Variants in CENPB observed in about 807,000 individuals in gnomAD.
CENPB encodes major centromere autoantigen B.
Under a neutral mutation model 41.9 loss-of-function variants are expected in CENPB, and 19 were observed. The ratio of observed to expected loss-of-function variants is 0.45; its 90% CI spans 0.32 to 0.67. The LOEUF (loss-of-function observed/expected upper bound fraction) is 0.67, where lower values mean the gene tolerates loss of function less well. Among genes scored for constraint, CENPB ranks in the 30% least tolerant of loss-of-function variants. CENPB has a pLI of 0.04. For synonymous variants in CENPB, 399 were observed against 354.4 expected, an observed-to-expected ratio of 1.13 and a Z score of -1.41; for missense variants, 614 against 816.2, an observed-to-expected ratio of 0.75 and a Z score of 3.02.
chr20:3,785,525 C>A lies in CENPB; in HGVS notation c.959G>T (p.Gly320Val). Residue 320 changes from glycine (G) to valine (V), a missense_variant, in exon 1 of 1, where the codon GGC (glycine) becomes GTC (valine). Physicochemically the swap from Gly to Val is moderately radical, Grantham distance 109 (BLOSUM62 -3). Coordinates refer to ENST00000379751, the MANE Select transcript of CENPB (RefSeq NM_001810.6). ...TCCCCTCTCCAGCGGATGCACGGTG[C>A]CGGGAGGGAAGAAGGCCAGCTGCAC... Reference protein sequence around the residue: ...RHVQLAFFPPGTVHPLERGVV... With the variant: ...RHVQLAFFPPVTVHPLERGVV... 1 of 1,597,714 alleles carries A rather than the reference C, an allele frequency of 6.3e-7. No individual in the cohort carries two copies. Among genetic ancestry groups the A allele is most frequent in the Non-Finnish European group, 8.5e-7 (1 of 1,172,542 alleles).
Position 3,785,985 on chromosome 20 carries a change from C to A in CENPB, c.499G>T (p.Gly167Trp), listed in dbSNP as rs750641264. ...PAAVPSEGSGGSTTGWRAREE... is the reference protein window; with the variant it reads ...PAAVPSEGSGWSTTGWRAREE... ...CGAGCGCGCCAACCAGTAGTGCTCCCGCCACTGCCCTCCGAGGGCACCGCG... is the reference window on the plus strand; with the variant it reads ...CGAGCGCGCCAACCAGTAGTGCTCCAGCCACTGCCCTCCGAGGGCACCGCG... Residue 167 changes from glycine (G) to tryptophan (W), a missense_variant, in exon 1 of 1, where the codon GGG becomes TGG. Transcript: ENST00000379751. The A allele has an allele frequency of 1.3e-6, 2 of 1,517,230 alleles. No homozygotes were observed. The highest frequency in any genetic ancestry group is 2.6e-5 in the East Asian group (1 of 39,078). 94.0% of individuals were successfully genotyped at this position (1,517,230 alleles called of 1,614,324 possible).
Position 3,786,530 on chromosome 20 carries a change from C to T in CENPB, c.-47G>A, listed in dbSNP as rs2088827096. On this transcript the variant is annotated 5_prime_UTR_variant, in exon 1 of 1. Transcript: ENST00000379751. ...GGGCCCGGCGCCGCCGCCGCCGCCC[C>T]GGGGCGGGGGGCCCGGGCCCGTGGC... 2 of 654,806 alleles carry T rather than the reference C, an allele frequency of 3.1e-6. No individual in the cohort carries two copies. Among genetic ancestry groups the T allele is most frequent in the African/African-American group, 2.0e-5 (1 of 48,866 alleles). The allele number at this position is 654,806 out of a possible 1,614,324, so 40.6% of individuals were successfully genotyped here.
In CENPB at chr20:3,785,233, CTCCTCCTCTTCT is replaced by C. The variant is rs1211480464; in HGVS notation, c.1239_1250del (p.Glu416_Glu419del). 3.9e-6 allele frequency: 6 copies of C among 1,548,268 alleles called. No individual in the cohort carries two copies. Among genetic ancestry groups the C allele is most frequent in the Admixed American group, 1.9e-5 (1 of 52,590 alleles). ...CCTCTTCCTCTCCTTCACCCTCTTC[CTCCTCCTCTTCT>C]TCCTCCTCCTCCTCCTCTTCCTCTC... On this transcript the variant is annotated inframe_deletion, in exon 1 of 1. Coordinates refer to ENST00000379751, the MANE Select transcript of CENPB (RefSeq NM_001810.6).
rs754367212 is a variant in CENPB at position 3,785,227 on chromosome 20, C to CTCTTCCTCCTCCTCT, written c.1242_1256dup (p.Glu415_Glu419dup). On this transcript the variant is annotated inframe_insertion, in exon 1 of 1. Coordinates refer to ENST00000379751, the MANE Select transcript of CENPB (RefSeq NM_001810.6). ...CCTCCTCCTCTTCCTCTCCTTCACC[C>CTCTTCCTCCTCCTCT]TCTTCCTCCTCCTCTTCTTCCTCCT... The CTCTTCCTCCTCCTCT allele has an allele frequency of 6.5e-6, 10 of 1,549,206 alleles. No homozygotes were observed. The Admixed American group carries it at 1.3e-4, about 21-fold the overall frequency.
Position 3,786,453 on chromosome 20 carries a change from G to A in CENPB, c.31C>T (p.Arg11Trp), listed in dbSNP as rs1265462304. The A allele has an allele frequency of 6.4e-7, 1 of 1,567,098 alleles. No individual in the cohort carries two copies. The highest frequency in any genetic ancestry group is 8.6e-7 in the Non-Finnish European group (1 of 1,162,678). MGPKRRQLTF[R>W]EKSRIIQEVE... Reference sequence around the variant, plus strand: ...TCCTGGATGATCCGTGACTTCTCCCGGAACGTCAGCTGTCGCCTCTTGGGG... The same window carrying A: ...TCCTGGATGATCCGTGACTTCTCCCAGAACGTCAGCTGTCGCCTCTTGGGG... Residue 11 changes from arginine (R) to tryptophan (W), a missense_variant, in exon 1 of 1, where the codon CGG (arginine) becomes TGG (tryptophan). Physicochemically the swap from Arg to Trp is moderately radical, Grantham distance 101. Transcript: ENST00000379751.
rs761278061 is a variant in CENPB at position 3,784,762 on chromosome 20, C to T, written c.1722G>A (p.Leu574=). 33 of 1,613,976 alleles carry T rather than the reference C, an allele frequency of 2.0e-5. No individual in the cohort carries two copies. In the South Asian group the frequency reaches 3.6e-4, roughly 18 times the overall value. The change falls in exon 1 of 1, where the codon TTG becomes TTA. Residue 574 remains leucine (L), a synonymous_variant. Coordinates refer to ENST00000379751, the MANE Select transcript of CENPB (RefSeq NM_001810.6). This position sits in a 1 kb window ranked among gnomAD's most constrained non-coding sequence, Gnocchi z 5.2. ...DDRVQSHILH[L]EHDLVHVTRK... ...TGGTCACATGAACCAGATCGTGTTC[C>T]AAGTGGAGGATGTGGCTCTGCACGC...
rs776967463 is a variant in CENPB, at chr20:3,786,360, G to A, written c.124C>T (p.Leu42=). 43 of 1,605,588 alleles carry A rather than the reference G, an allele frequency of 2.7e-5. No homozygotes were observed. The highest frequency in any genetic ancestry group is 3.2e-5 in the Non-Finnish European group (38 of 1,179,644). The change falls in exon 1 of 1, where the codon CTG becomes TTG. Residue 42 remains leucine, a synonymous_variant. Coordinates refer to ENST00000379751, the MANE Select transcript of CENPB (RefSeq NM_001810.6). ...CGCTTGTTCTTCAGGATCGTGCTCA[G>A]CGTGGACGGCGGGATGTTGAAGCGC... is the stretch of plus-strand genomic sequence containing the variant. ...ARRFNIPPST[L]STILKNKRAI...
Position 3,786,052 on chromosome 20 carries a change from T to A in CENPB, c.432A>T (p.Arg144=). The A allele has an allele frequency of 6.7e-7, 1 of 1,500,506 alleles. No individual in the cohort carries two copies. The highest frequency in any genetic ancestry group is 8.8e-7 in the Non-Finnish European group (1 of 1,139,914). The allele number at this position is 1,500,506 out of a possible 1,614,324, so 92.9% of individuals were successfully genotyped here. A position where few individuals can be genotyped will look rare whatever the true frequency, so the allele number is the denominator to read the frequency against. The stretch of plus-strand genomic sequence containing the variant: ...CCGCCGGGGTGCGGGGGGCAGCGTT[T>A]CGCGCGCGGGCGCGGGCCACGCCGC... ...SCSGVARARA[R]NAAPRTPAAP... The change falls in exon 1 of 1, where the codon CGA becomes CGT. Residue 144 remains arginine, a synonymous_variant. Coordinates refer to ENST00000379751, the MANE Select transcript of CENPB (RefSeq NM_001810.6).
rs1415169087 is a variant in CENPB at position 3,784,534 on chromosome 20, GTGA to G, written c.*147_*149del. ...GACCTCAGCCCCGGGCCCGGCCGAG[GTGA>G]CCGGGCCTGTTGCAGGACCAGGGGA... On this transcript the variant is annotated 3_prime_UTR_variant, in exon 1 of 1. Coordinates refer to ENST00000379751, the MANE Select transcript of CENPB (RefSeq NM_001810.6). This position sits in a 1 kb window ranked among gnomAD's most constrained non-coding sequence, Gnocchi z 5.2. 30 of 892,042 alleles carry G rather than the reference GTGA, an allele frequency of 3.4e-5. 1 individual carries two copies. The highest frequency in any genetic ancestry group is 3.0e-4 in the South Asian group (18 of 60,866). 55.3% of individuals were successfully genotyped at this position (892,042 alleles called of 1,614,324 possible). A position where few individuals can be genotyped will look rare whatever the true frequency, so the allele number is the denominator to read the frequency against.
chr20:3,785,472 G>A lies in CENPB; in HGVS notation c.1012C>T (p.Arg338Cys), dbSNP rs1245848725. ...GVVQQVKGHY[R>C]QAMLLKAMAA... Reference sequence around the variant, plus strand: ...ATGGCCTTGAGCAGCATGGCCTGGCGGTAGTGGCCCTTCACCTGCTGGACC... The same window carrying A: ...ATGGCCTTGAGCAGCATGGCCTGGCAGTAGTGGCCCTTCACCTGCTGGACC... The change falls in exon 1 of 1, where the codon CGC becomes TGC. Residue 338 changes from arginine to cysteine, a missense_variant. By Grantham distance (180) the Arg-to-Cys change is radical. Transcript: ENST00000379751. The A allele has an allele frequency of 1.3e-6, 2 of 1,590,540 alleles. No homozygotes were observed. The highest frequency in any genetic ancestry group is 1.8e-5 in the Admixed American group (1 of 56,724).
In CENPB at chr20:3,786,503, CG is replaced by C; in HGVS notation, c.-21del. ...GCCCATCCCGGCGCGCCCCCCGCCCCGGGGCCCGGCGCCGCCGCCGCCGCCC... is the reference window on the plus strand; with the variant it reads ...GCCCATCCCGGCGCGCCCCCCGCCCCGGGCCCGGCGCCGCCGCCGCCGCCC... On this transcript the variant is annotated 5_prime_UTR_variant, in exon 1 of 1. Transcript: ENST00000379751. The C allele has an allele frequency of 9.2e-7, 1 of 1,092,532 alleles. No homozygotes were observed. The highest frequency in any genetic ancestry group is 1.1e-6 in the Non-Finnish European group (1 of 872,076). 67.7% of individuals were successfully genotyped at this position (1,092,532 alleles called of 1,614,324 possible).
In CENPB at chr20:3,784,679, G is replaced by A; in HGVS notation, c.*5C>T. On this transcript the variant is annotated 3_prime_UTR_variant, in exon 1 of 1. Coordinates refer to ENST00000379751, the MANE Select transcript of CENPB (RefSeq NM_001810.6). The surrounding 1 kb of genome is among the most constrained non-coding windows in gnomAD (Gnocchi z 5.2). Reference sequence around the variant, plus strand: ...TAGGTTGGGGGCACAGCTAGGTCCAGTGACTCAGCTTTGATGTCCAAGACC... The same window carrying A: ...TAGGTTGGGGGCACAGCTAGGTCCAATGACTCAGCTTTGATGTCCAAGACC... The A allele has an allele frequency of 6.2e-7, 1 of 1,613,718 alleles. No individual in the cohort carries two copies. Among genetic ancestry groups the A allele is most frequent in the Non-Finnish European group, 8.5e-7 (1 of 1,179,820 alleles).
In CENPB at chr20:3,786,487, G is replaced by A; in HGVS notation, c.-4C>T. On this transcript the variant is annotated 5_prime_UTR_variant, in exon 1 of 1. Transcript: ENST00000379751. ...GCTGTCGCCTCTTGGGGCCCATCCC[G>A]GCGCGCCCCCCGCCCCGGGGCCCGG... 7 of 1,248,340 alleles carry A rather than the reference G, an allele frequency of 5.6e-6. No individual in the cohort carries two copies. The highest frequency in any genetic ancestry group is 7.3e-6 in the Non-Finnish European group (7 of 958,030). The allele number at this position is 1,248,340 out of a possible 1,614,324, so 77.3% of individuals were successfully genotyped here. A position where few individuals can be genotyped will look rare whatever the true frequency, so the allele number is the denominator to read the frequency against.
Position 3,786,160 on chromosome 20 carries a change from G to T in CENPB, c.324C>A (p.Ala108=). Residue 108 remains alanine (A), a synonymous_variant, in exon 1 of 1, where the codon GCC becomes GCA. Transcript: ENST00000379751. ...TGAAGTCGTCCATGCCCAGCTCCTCGGCTATGCGCAGCGCCTTCTCCTTGA... is the reference window on the plus strand; with the variant it reads ...TGAAGTCGTCCATGCCCAGCTCCTCTGCTATGCGCAGCGCCTTCTCCTTGA... The part of the protein sequence containing the change: ...IILKEKALRI[A]EELGMDDFTA... The T allele has an allele frequency of 6.3e-7, 1 of 1,599,286 alleles. No homozygotes were observed.
Position 3,785,230 on chromosome 20 carries a change from TTCC to T in CENPB, c.1251_1253del (p.Glu419del), listed in dbSNP as rs755501841. 1.6e-4 allele frequency: 205 copies of T among 1,261,094 alleles called. No homozygotes were observed. In the East Asian group the frequency reaches 1.9e-3, roughly 12 times the overall value. 78.1% of individuals were successfully genotyped at this position (1,261,094 alleles called of 1,614,324 possible). The stretch of plus-strand genomic sequence containing the variant: ...CCTCCTCTTCCTCTCCTTCACCCTC[TTCC>T]TCCTCCTCTTCTTCCTCCTCCTCCT... On this transcript the variant is annotated inframe_deletion, in exon 1 of 1. Transcript: ENST00000379751.
In CENPB at chr20:3,786,078, T is replaced by C. The variant is rs748658170; in HGVS notation, c.406A>G (p.Ser136Gly). ...FRRRHGVVSC[S>G]GVARARARNA... is the part of the protein sequence containing the mutation. ...CGCGCGCGGGCGCGGGCCACGCCGCTGCAGGACACCACGCCGTGGCGCCGG... is the reference window on the plus strand; with the variant it reads ...CGCGCGCGGGCGCGGGCCACGCCGCCGCAGGACACCACGCCGTGGCGCCGG... Residue 136 changes from serine (S) to glycine (G), a missense_variant, in exon 1 of 1, where the codon AGC (serine) becomes GGC (glycine). This residue lies in a region of CENPB where 537 missense variants were observed against 629.4 expected (regional missense o/e 0.85). Transcript: ENST00000379751. 6.3e-7 allele frequency: 1 copy of C among 1,586,718 alleles called. No individual in the cohort carries two copies. The highest frequency in any genetic ancestry group is 8.5e-7 in the Non-Finnish European group (1 of 1,174,582).
Position 3,786,568 on chromosome 20 carries a change from G to C in CENPB, c.-85C>G. 1 of 340,390 alleles carries C rather than the reference G, an allele frequency of 2.9e-6. No individual in the cohort carries two copies. The highest frequency in any genetic ancestry group is 4.1e-6 in the Non-Finnish European group (1 of 245,234). 21.1% of individuals were successfully genotyped at this position (340,390 alleles called of 1,614,324 possible). The stretch of plus-strand genomic sequence containing the variant: ...CCGGGCCCGTGGCGGGGGGCACCTG[G>C]CGGCCTCTCCCGCGCGCCCCGCCCG... On this transcript the variant is annotated 5_prime_UTR_variant, in exon 1 of 1. Coordinates refer to ENST00000379751, the MANE Select transcript of CENPB (RefSeq NM_001810.6).
chr20:3,784,983 G>A lies in CENPB; in HGVS notation c.1501C>T (p.Leu501=), dbSNP rs779322899. ...GAQEEAQCPT[L]HFLEGGEDSD... ...TCCTCCCCACCTTCCAGGAAATGCA[G>A]AGTAGGGCACTGGGCTTCCTCCTGG... Residue 501 remains leucine (L), a synonymous_variant, in exon 1 of 1, where the codon CTG becomes TTG. Transcript: ENST00000379751. This position sits in a 1 kb window ranked among gnomAD's most constrained non-coding sequence, Gnocchi z 5.2. The A allele has an allele frequency of 6.2e-7, 1 of 1,613,778 alleles. No homozygotes were observed.
Position 3,784,839 on chromosome 20 carries a change from C to T in CENPB, c.1645G>A (p.Ala549Thr). 1.2e-6 allele frequency: 2 copies of T among 1,614,166 alleles called. No homozygotes were observed. The highest frequency in any genetic ancestry group is 1.7e-6 in the Non-Finnish European group (2 of 1,180,018). ...VPVPSFGEAM[A>T]YFAMVKRYLT... ...TACCTCTTGACCATGGCAAAGTAAG[C>T]CATGGCCTCCCCAAAGCTGGGTACA... Residue 549 changes from alanine (A) to threonine (T), a missense_variant, in exon 1 of 1, where the codon GCT (alanine) becomes ACT (threonine). Coordinates refer to ENST00000379751, the MANE Select transcript of CENPB (RefSeq NM_001810.6). The surrounding 1 kb of genome is among the most constrained non-coding windows in gnomAD (Gnocchi z 5.2).
Sources: allele counts gnomAD v4.1 joint callset, GRCh38; gene constraint gnomAD v4.1.1; regional missense constraint gnomAD v4.1.1; non-coding constraint Gnocchi (gnomAD v3.1); transcripts MANE v1.5; gene names NCBI Gene and HGNC (gene_info 2026-07-23, HGNC 2026-07-21).